LRP1B: variants seen among roughly 807,000 people sequenced by gnomAD.
The protein encoded by LRP1B is LDL receptor related protein 1B, also known as low-density lipoprotein receptor-related protein 1B.
LRP1B carries 217 observed loss-of-function variants against 556.6 expected under a neutral mutation model. That is an observed-to-expected ratio of 0.39 (90% CI 0.35 to 0.44). The LOEUF (loss-of-function observed/expected upper bound fraction) is 0.44. LRP1B is among the 20% of genes least tolerant of loss of function. The pLI, the probability that LRP1B is intolerant of heterozygous loss-of-function variation, is 1.00. For missense variants in LRP1B, 5,053 were observed against 5,620.8 expected (o/e 0.90, Z 3.23); for synonymous variants, 2,047 against 1,865.8 (o/e 1.10, Z -2.50).
At chr2:141,355,667 A>G (rs866862734) in intron 3 of LRP1B, among the ~76,000 whole-genome samples, 2 of 152,268 alleles carry the variant, frequency 1.3e-5, no homozygotes, top group Middle Eastern at 3.4e-3. Flanking sequence ...ATTAAAAATT[A>G]AAACTCCAAA....
At chr2:140,882,204 AGTT>A (rs918386827) in intron 25 of LRP1B, among the ~76,000 whole-genome samples, 1 of 152,170 alleles carries the variant, frequency 6.6e-6, no homozygotes, top group African/African-American at 2.4e-5. Context: ...TTACATCAGT[AGTT>A]GTTGGTACTG....
At chr2:140,480,843 CA>C (rs1688206832) in intron 59 of LRP1B, among the ~76,000 whole-genome samples, 1 of 152,038 alleles carries the variant, frequency 6.6e-6, no homozygotes, top group Non-Finnish European at 1.5e-5. Context: ...TCTTCATTTC[CA>C]AAAAACTTTT....
chr2:141,165,767 A>T (rs760394072), intron 7 of LRP1B, among the ~76,000 whole-genome samples: 2 of 152,100 alleles, frequency 1.3e-5, no homozygotes, highest in Non-Finnish European at 2.9e-5. Flanking sequence ...TTAAATTCAT[A>T]CTCAATGAAA....
Position 140,475,345 on chromosome 2 carries a change from A to T in LRP1B, c.9426-8T>A. On this transcript the variant is annotated splice_region_variant and splice_polypyrimidine_tract_variant and intron_variant, in intron 59 of 90. Transcript: ENST00000389484. ...TCAATCCAATACAAATATCTAGGAA[A>T]GAAAATCAATACTGATTTTGTTTAC... 1 of 1,564,042 alleles carries T rather than the reference A, an allele frequency of 6.4e-7. No individual in the cohort carries two copies. The highest frequency in any genetic ancestry group is 8.7e-7 in the Non-Finnish European group (1 of 1,150,496).
At chr2:141,200,322 G>C (rs1265720971) in intron 6 of LRP1B, among the ~76,000 whole-genome samples, 2 of 152,108 alleles carry the variant, frequency 1.3e-5, no homozygotes, top group Non-Finnish European at 2.9e-5. Flanking sequence ...GTCACAAGTG[G>C]GAGCTGAATG....
chr2:140,511,049 A>G (rs1006879103), intron 51 of LRP1B, among the ~76,000 whole-genome samples: 9 of 151,854 alleles, frequency 5.9e-5, no homozygotes, highest in African/African-American at 2.2e-4. Context: ...CCCAGAATTG[A>G]TGCTAAAAAA....
At chr2:140,649,207 GA>G (rs1356650279) in intron 41 of LRP1B, among the ~76,000 whole-genome samples, 28 of 152,118 alleles carry the variant, frequency 1.8e-4, no homozygotes, top group Non-Finnish European at 2.2e-4. Flanking sequence ...TCCTGGTAGT[GA>G]TTTCCTACCT....
At chr2:140,918,605 C>T (rs772385448) in intron 21 of LRP1B, among the ~76,000 whole-genome samples, 16 of 152,032 alleles carry the variant, frequency 1.1e-4, no homozygotes, top group Non-Finnish European at 2.4e-4. Context: ...CAACTGATGT[C>T]GAAAGAATGC....
Position 140,374,624 on chromosome 2 carries a change from T to C in LRP1B, c.10639-1487A>G, listed in dbSNP as rs544269187. On this transcript the variant is annotated intron_variant, in intron 68 of 90. Coordinates refer to ENST00000389484, the MANE Select transcript of LRP1B (RefSeq NM_018557.3). The stretch of plus-strand genomic sequence containing the variant: ...CTCCATACTATTAGTGCCGGGGACA[T>C]AGTAAACATTCAGTACAAACTGCTG... 2.6e-5 allele frequency among the ~76,000 whole-genome samples: 4 copies of C among 152,264 alleles called. No homozygotes were observed. The South Asian group carries it at 6.2e-4, about 24-fold the overall frequency.
chr2:141,424,149 T>C (rs1030119342), intron 3 of LRP1B, among the ~76,000 whole-genome samples: 5 of 150,262 alleles, frequency 3.3e-5, no homozygotes, highest in Admixed American at 1.3e-4. Flanking sequence ...GTGTCACTCT[T>C]GTTGCCTGGG....
intron 35 of LRP1B, among the ~76,000 whole-genome samples, chr2:140,739,656 A>T (rs1688071000): frequency 6.6e-6 from 1 of 152,218 alleles, no homozygotes; most frequent in South Asian, 2.1e-4. Context: ...TATTTGTTAG[A>T]TAATATATTT....
Position 141,229,253 on chromosome 2 carries a change from T to C in LRP1B, c.780A>G (p.Lys260=), listed in dbSNP as rs778585241. 33 of 1,611,180 alleles carry C rather than the reference T, an allele frequency of 2.0e-5. No individual in the cohort carries two copies. The South Asian group carries it at 3.5e-4, about 17-fold the overall frequency. The part of the protein sequence containing the change: ...IESRESSNQL[K]CIQITKAGGL... ...CTCCTGCTTTTGTTATCTGGATACA[T>C]TTGAGTTGATTTGAAGATTCTCTTG... The change falls in exon 6 of 91, where the codon AAA becomes AAG. Residue 260 remains lysine, a synonymous_variant. Transcript: ENST00000389484.
intron 43 of LRP1B, among the ~76,000 whole-genome samples, chr2:140,542,790 G>A (rs916505159): frequency 6.6e-6 from 1 of 152,146 alleles, no homozygotes; most frequent in Non-Finnish European, 1.5e-5. Context: ...AGAGTTGACA[G>A]TTCAGCAGAG....
At chr2:140,562,183 A>C (rs1331686179) in intron 43 of LRP1B, among the ~76,000 whole-genome samples, 2 of 152,188 alleles carry the variant, frequency 1.3e-5, no homozygotes, top group Non-Finnish European at 2.9e-5. Context: ...TACTTTTAAA[A>C]GTTTAGTGAC....
rs772328310 is a variant in LRP1B at position 141,062,044 on chromosome 2, T to C, written c.1236+7A>G. ...CTAGGAGCGTTGTCTAACAAAATTG[T>C]ACTTACTTGTCTGCCTTGAATGACA... On this transcript the variant is annotated splice_region_variant and intron_variant, in intron 8 of 90. Coordinates refer to ENST00000389484, the MANE Select transcript of LRP1B (RefSeq NM_018557.3). 26 of 1,607,662 alleles carry C rather than the reference T, an allele frequency of 1.6e-5. No individual in the cohort carries two copies. The highest frequency in any genetic ancestry group is 2.2e-5 in the Non-Finnish European group (26 of 1,175,010).
intron 1 of LRP1B, among the ~76,000 whole-genome samples, chr2:141,963,095 T>C (rs1701448555): frequency 2.6e-5 from 4 of 151,834 alleles, no homozygotes; most frequent in Admixed American, 2.0e-4. Context: ...AAATCAATTA[T>C]AGGCCAAAAA....
chr2:140,325,018 A>C lies in LRP1B; in HGVS notation c.12340+744T>G, dbSNP rs1680395387. On this transcript the variant is annotated intron_variant, in intron 80 of 90. Coordinates refer to ENST00000389484, the MANE Select transcript of LRP1B (RefSeq NM_018557.3). ...AGGGAAGCAAAGCTATATTCAGTAA[A>C]TATATAACATGCAAATATAAAAATT... Among the ~76,000 whole-genome samples, 4 of 152,112 alleles carry C rather than the reference A, an allele frequency of 2.6e-5. No individual in the cohort carries two copies. In the South Asian group the frequency reaches 8.3e-4, roughly 31 times the overall value.
intron 7 of LRP1B, among the ~76,000 whole-genome samples, chr2:141,131,542 AAAT>A (rs1295340829): frequency 6.6e-6 from 1 of 151,436 alleles, no homozygotes; most frequent in Admixed American, 6.6e-5. Context: ...AATGGGAAGA[AAAT>A]AAATTCAAAC....
In LRP1B at chr2:141,361,643, A is replaced by G. The variant is rs567986671; in HGVS notation, c.344-107002T>C. 1.7e-3 allele frequency among the ~76,000 whole-genome samples: 259 copies of G among 152,314 alleles called. 1 individual carries two copies. Among genetic ancestry groups the G allele is most frequent in the African/African-American group, 6.0e-3 (250 of 41,588 alleles). On this transcript the variant is annotated intron_variant, in intron 3 of 90. Transcript: ENST00000389484. ...ATAATTTCTTTTAACTGATTAGTTCAGTGCTCAAACTACTTGCTAGTTGTA... is the reference window on the plus strand; with the variant it reads ...ATAATTTCTTTTAACTGATTAGTTCGGTGCTCAAACTACTTGCTAGTTGTA...
Sources: gnomAD v4.1 joint callset for allele counts (sites outside exome capture counted in the v4.1 genomes callset) on GRCh38, gnomAD v4.1.1 for gene constraint, MANE v1.5 for transcripts, NCBI Gene and HGNC (gene_info 2026-07-23, HGNC 2026-07-21) for gene names.